TENM2: variants seen among roughly 807,000 people sequenced by gnomAD.
The protein encoded by TENM2 is teneurin transmembrane protein 2.
TENM2 carries 52 observed loss-of-function variants against 245.2 expected under a neutral mutation model. The ratio of observed to expected loss-of-function variants is 0.21; its 90% confidence interval spans 0.17 to 0.27. The LOEUF (loss-of-function observed/expected upper bound fraction) is 0.27, where lower values mean the gene tolerates loss of function less well. TENM2 is among the 10% of genes least tolerant of loss of function. The pLI is 1.00. For synonymous variants in TENM2, 1,363 were observed against 1,438.9 expected (o/e 0.95, Z 1.19); for missense variants, 3,046 against 3,666.8 (o/e 0.83, Z 4.37).
chr5:167,847,575 G>C (rs1770163767), intron 2 of TENM2, among the ~76,000 whole-genome samples: 1 of 152,180 alleles, frequency 6.6e-6, no homozygotes, highest in South Asian at 2.1e-4. Context: ...CAAGTCTCCA[G>C]TTCTCCTGAG....
intron 24 of TENM2, among the ~76,000 whole-genome samples, chr5:168,227,516 C>CTTT (rs56834297): frequency 0.014 from 1,844 of 130,576 alleles, 41 homozygotes; most frequent in African/African-American, 0.047. Flanking sequence ...ATTTGCCTTT[C>CTTT]TTTTTTTTTT....
intron 2 of TENM2, among the ~76,000 whole-genome samples, chr5:167,654,550 A>G (rs1754708226): frequency 6.7e-6 from 1 of 148,648 alleles, no homozygotes; most frequent in Non-Finnish European, 1.5e-5. Flanking sequence ...CCAGAATTGC[A>G]TTTTCTTTGC....
At chr5:167,863,489 A>G (rs1326456621) in intron 2 of TENM2, among the ~76,000 whole-genome samples, 1 of 149,384 alleles carries the variant, frequency 6.7e-6, no homozygotes, top group African/African-American at 2.5e-5. Flanking sequence ...ACACACACAC[A>G]CAAAATTAGC....
intron 2 of TENM2, among the ~76,000 whole-genome samples, chr5:167,744,826 A>C (rs1395687877): frequency 6.6e-6 from 1 of 151,158 alleles, no homozygotes; most frequent in Non-Finnish European, 1.5e-5. Context: ...CAAACAAACA[A>C]AACAAAACAA....
At chr5:167,161,535 A>G in the TENM2 span, among the ~76,000 whole-genome samples, 1 of 152,248 alleles carries the variant, frequency 6.6e-6, no homozygotes, top group Admixed American at 6.5e-5. Context: ...TGAGAAGCAT[A>G]TATTTTTTAA....
At chr5:167,973,593 C>T (rs947244131) in intron 4 of TENM2, among the ~76,000 whole-genome samples, 1 of 152,188 alleles carries the variant, frequency 6.6e-6, no homozygotes, top group African/African-American at 2.4e-5. Context: ...GCGTGGAGTG[C>T]ATCCAACCTA....
At chr5:167,305,683 T>A (rs1755631821) in intron 1 of TENM2, among the ~76,000 whole-genome samples, 1 of 152,232 alleles carries the variant, frequency 6.6e-6, no homozygotes, top group Non-Finnish European at 1.5e-5. Context: ...GCATTCAGCA[T>A]TCTATGGCAG....
At chr5:167,597,026 C>T (rs1297710509) in intron 2 of TENM2, among the ~76,000 whole-genome samples, 1 of 152,078 alleles carries the variant, frequency 6.6e-6, no homozygotes, top group Non-Finnish European at 1.5e-5. Flanking sequence ...TTCATGAGCT[C>T]AGTCCTTCAG....
chr5:167,920,317 C>T (rs1319471730), intron 3 of TENM2, among the ~76,000 whole-genome samples: 1 of 148,242 alleles, frequency 6.7e-6, no homozygotes, highest in Admixed American at 6.7e-5. Context: ...CATGATGAAA[C>T]CCTGTCTCTA....
intron 2 of TENM2, among the ~76,000 whole-genome samples, chr5:167,415,435 C>T (rs1168278275): frequency 6.6e-6 from 1 of 152,084 alleles, no homozygotes; most frequent in Non-Finnish European, 1.5e-5. Flanking sequence ...GCAAGATGGA[C>T]TGTGATGTTA....
intron 7 of TENM2, among the ~76,000 whole-genome samples, chr5:168,081,720 G>T (rs1792019392): frequency 6.6e-6 from 1 of 152,200 alleles, no homozygotes; most frequent in South Asian, 2.1e-4. Flanking sequence ...GAAATTCTGG[G>T]TTGAAAATTC....
intron 2 of TENM2, among the ~76,000 whole-genome samples, chr5:167,394,543 G>A (rs1038909876): frequency 6.6e-6 from 1 of 151,948 alleles, no homozygotes; most frequent in Non-Finnish European, 1.5e-5. Context: ...TTGACACATA[G>A]ACTTATAAAT....
At chr5:167,509,650 T>C (rs2127567560) in intron 2 of TENM2, among the ~76,000 whole-genome samples, 1 of 152,338 alleles carries the variant, frequency 6.6e-6, no homozygotes, top group South Asian at 2.1e-4. Flanking sequence ...GAAGAGGTCA[T>C]TATTATTAGC....
chr5:167,283,963 AT>A (rs1011655008), upstream of TENM2, among the ~76,000 whole-genome samples: 68 of 146,310 alleles, frequency 4.6e-4, no homozygotes, highest in African/African-American at 9.0e-4. Context: ...AGCTTTCCTC[AT>A]TTTTTTTTTC....
In TENM2 at chr5:167,960,722, C is replaced by T. The variant is rs112634396; in HGVS notation, c.947+7900C>T. ...GGAGTGAACGGTTCTGTCTTACTAG[C>T]GTTCCAGTCACCTCTGTGGTATTAA... On this transcript the variant is annotated intron_variant, in intron 4 of 28. Coordinates refer to ENST00000518659, the Ensembl canonical transcript of TENM2. Among the ~76,000 whole-genome samples, 1,490 of 152,244 alleles carry T rather than the reference C, an allele frequency of 9.8e-3. 24 individuals are homozygous for T. Among genetic ancestry groups the T allele is most frequent in the African/African-American group, 0.033 (1,366 of 41,528 alleles).
chr5:167,968,724 C>T (rs150412529), intron 4 of TENM2, among the ~76,000 whole-genome samples: 15 of 152,252 alleles, frequency 9.9e-5, no homozygotes, highest in East Asian at 1.9e-4. Context: ...TTCTTATCAA[C>T]GCAGATCCTC....
chr5:166,988,658 AAC>A, the TENM2 span, among the ~76,000 whole-genome samples: 1 of 152,242 alleles, frequency 6.6e-6, no homozygotes, highest in Non-Finnish European at 1.5e-5. Flanking sequence ...TATTGAGAAT[AAC>A]AGAGTCACCA....
chr5:168,080,770 G>C (rs1469221420), intron 7 of TENM2, among the ~76,000 whole-genome samples: 1 of 152,266 alleles, frequency 6.6e-6, no homozygotes, highest in East Asian at 1.9e-4. Context: ...CTGAATTCTA[G>C]TTTGATTGCA....
At chr5:167,140,404 G>A in the TENM2 span, among the ~76,000 whole-genome samples, 280 of 151,898 alleles carry the variant, frequency 1.8e-3, 1 homozygote, top group Non-Finnish European at 3.2e-3. Flanking sequence ...TCATTTTTTT[G>A]TACTCATTAA....
Sources: allele counts gnomAD v4.1 joint callset (sites outside exome capture counted in the v4.1 genomes callset), GRCh38; gene constraint gnomAD v4.1.1; transcripts MANE v1.5; gene names NCBI Gene and HGNC (gene_info 2026-07-23, HGNC 2026-07-21).